ABCA1: variants seen among roughly 807,000 people sequenced by gnomAD.
ABCA1 encodes ATP binding cassette subfamily A member 1, also known as phospholipid-transporting ATPase ABCA1.
Under a neutral mutation model 262.5 loss-of-function variants are expected in ABCA1, and 133 were observed. That is an observed-to-expected ratio of 0.51 (90% CI 0.44 to 0.59). The LOEUF (loss-of-function observed/expected upper bound fraction) is 0.59. Ranked by LOEUF, ABCA1 falls within the 20% of genes least tolerant of loss-of-function variation. The pLI, the probability that ABCA1 is intolerant of heterozygous loss-of-function variation, is 0.00. For synonymous variants in ABCA1, 1,022 were observed against 1,043.5 expected (o/e 0.98, Z 0.40); for missense variants, 2,452 against 2,777.5 (o/e 0.88, Z 2.63).
rs1359246496 is a variant in ABCA1, at chr9:104,817,329, T to C, written c.3535+3A>G. The C allele has an allele frequency of 1.2e-6, 2 of 1,614,102 alleles. No homozygotes were observed. The highest frequency in any genetic ancestry group is 1.7e-6 in the Non-Finnish European group (2 of 1,180,008). On this transcript the variant is annotated splice_donor_region_variant and intron_variant, in intron 24 of 49. Transcript: ENST00000374736. The surrounding 1 kb of genome is among the most constrained non-coding windows in gnomAD (Gnocchi z 4.7). ...CCTGAATAAGAAACCCCAGAGTCCT[T>C]ACCGATGGTCAGCGTGTCACTCTCA... is the stretch of plus-strand genomic sequence containing the variant.
intron 6 of ABCA1, among the ~76,000 whole-genome samples, chr9:104,860,477 G>A (rs1475212332): frequency 6.6e-6 from 1 of 152,128 alleles, no homozygotes; most frequent in African/African-American, 2.4e-5. Context: ...ATCATGTGAA[G>A]CAAAAAGCTT....
chr9:104,810,262 C>T (rs1222587901), intron 29 of ABCA1, among the ~76,000 whole-genome samples: 2 of 151,074 alleles, frequency 1.3e-5, no homozygotes, highest in Non-Finnish European at 2.9e-5. Flanking sequence ...AAAGCTCCTG[C>T]TAACAAGACC....
chr9:104,834,278 T>C lies in ABCA1; in HGVS notation c.1312-1507A>G, dbSNP rs146800039. ...CTTCTTTAAAATTATTTCAGTAGGC[T>C]ACATCCCTGGGGGTGGGTGGAATGG... On this transcript the variant is annotated intron_variant, in intron 11 of 49. Transcript: ENST00000374736. Among the ~76,000 whole-genome samples the C allele has an allele frequency of 4.1e-4, 61 of 149,910 alleles. 5 individuals are homozygous for C. The highest frequency in any genetic ancestry group is 1.4e-3 in the African/African-American group (57 of 41,068).
chr9:104,827,287 G>C, intron 15 of ABCA1, 118 bp from the exon 16 acceptor site: 2 of 850,700 alleles, frequency 2.4e-6, no homozygotes, highest in Admixed American at 4.0e-5. Context: ...ATGCAGAGGC[G>C]TAATGCTGTT....
At chr9:104,905,240 G>A (rs73506122) in intron 1 of ABCA1, among the ~76,000 whole-genome samples, 1 of 152,284 alleles carries the variant, frequency 6.6e-6, no homozygotes, top group African/African-American at 2.4e-5. Context: ...GCAGTAGCGA[G>A]GTATGGATAC....
intron 27 of ABCA1, among the ~76,000 whole-genome samples, chr9:104,813,474 C>G (rs1157477956): frequency 6.6e-6 from 1 of 152,126 alleles, no homozygotes; most frequent in African/African-American, 2.4e-5. Context: ...AGTGCAATGG[C>G]GCAACCGTGG....
At chr9:104,913,973 G>A (rs1156883011) in intron 1 of ABCA1, among the ~76,000 whole-genome samples, 1 of 151,512 alleles carries the variant, frequency 6.6e-6, no homozygotes, top group Admixed American at 6.6e-5. Context: ...CTAATTTTTT[G>A]TATTTTTAGT....
At chr9:104,804,755 T>TA (rs1303786753) in intron 31 of ABCA1, 35 bp from the exon 32 acceptor site, 1 of 1,547,574 alleles carries the variant, frequency 6.5e-7, no homozygotes, top group South Asian at 1.1e-5. Flanking sequence ...TACGGGTCTT[T>TA]ATAGACAAGA....
At chr9:104,913,965 A>G (rs1450755227) in intron 1 of ABCA1, among the ~76,000 whole-genome samples, 1 of 147,950 alleles carries the variant, frequency 6.8e-6, no homozygotes, top group Non-Finnish European at 1.5e-5. Context: ...ACGCCCGGCT[A>G]ATTTTTTGTA....
intron 3 of ABCA1, among the ~76,000 whole-genome samples, chr9:104,886,417 G>A (rs1463327854): frequency 6.6e-6 from 1 of 152,178 alleles, no homozygotes; most frequent in East Asian, 1.9e-4. Context: ...GCCACCCTCT[G>A]CAGGGACTCT....
rs1446891426 is a variant in ABCA1, at chr9:104,899,316, A to G, written c.66+4298T>C. ...GAAAGGATGCAGAGAGTTTCCATCTACTCTGTAAAATTCTCTAAAAGCTCA... is the reference window on the plus strand; with the variant it reads ...GAAAGGATGCAGAGAGTTTCCATCTGCTCTGTAAAATTCTCTAAAAGCTCA... On this transcript the variant is annotated intron_variant, in intron 2 of 49. Coordinates refer to ENST00000374736, the MANE Select transcript of ABCA1 (RefSeq NM_005502.4). Among the ~76,000 whole-genome samples, 3 of 152,094 alleles carry G rather than the reference A, an allele frequency of 2.0e-5. No individual in the cohort carries two copies. In the East Asian group the frequency reaches 5.8e-4, roughly 29 times the overall value.
At chr9:104,854,297 C>G (rs924198603) in intron 7 of ABCA1, among the ~76,000 whole-genome samples, 8 of 152,104 alleles carry the variant, frequency 5.3e-5, no homozygotes, top group African/African-American at 1.9e-4. Flanking sequence ...CAGAGCCCCC[C>G]CAAAAAAACA....
chr9:104,784,447 C>G lies in ABCA1; in HGVS notation c.6654G>C (p.Val2218=), dbSNP rs374793716. Residue 2218 remains valine (V), a synonymous_variant, in exon 50 of 50, where the codon GTG becomes GTC. Transcript: ENST00000374736. ...CATCACTTTGGTCCTTGGCAAAGTTCACAAATACCTGTTAAAAGATTAAGA... is the reference window on the plus strand; with the variant it reads ...CATCACTTTGGTCCTTGGCAAAGTTGACAAATACCTGTTAAAAGATTAAGA... ...VSQTTLDQVF[V]NFAKDQSDDD... is the part of the protein sequence containing the mutation. The G allele has an allele frequency of 5.0e-6, 8 of 1,613,912 alleles. No individual in the cohort carries two copies. In the African/African-American group the frequency reaches 1.1e-4, roughly 22 times the overall value.
Position 104,796,053 on chromosome 9 carries a change from A to C in ABCA1, c.5382T>G (p.Asn1794Lys). Residue 1794 changes from asparagine to lysine, a missense_variant and splice_region_variant, in exon 39 of 50, where the codon AAT (asparagine) becomes AAG (lysine). Physicochemically the swap from Asn to Lys is moderately conservative, Grantham distance 94. This residue lies in a region of ABCA1 where 752 missense variants were observed against 944.5 expected (regional missense o/e 0.80). Transcript: ENST00000374736. ...ATFVLELFTD[N>K]KLNNINDILK... ...GGAGTGTTCTCTCTGCATGACTCAC[A>C]TTGTCGGTGAACAGCTCCAGCACAA... is the stretch of plus-strand genomic sequence containing the variant. 2.5e-6 allele frequency: 4 copies of C among 1,612,516 alleles called. No homozygotes were observed. The highest frequency in any genetic ancestry group is 3.4e-6 in the Non-Finnish European group (4 of 1,179,966).
chr9:104,832,840 C>T, intron 11 of ABCA1, 69 bp from the exon 12 acceptor site: 1 of 1,449,302 alleles, frequency 6.9e-7, no homozygotes, highest in Non-Finnish European at 9.7e-7. Context: ...ACAAAATTTA[C>T]AAAATACTTG....
intron 29 of ABCA1, among the ~76,000 whole-genome samples, chr9:104,810,074 A>G (rs1009859293): frequency 6.6e-6 from 1 of 151,308 alleles, no homozygotes; most frequent in African/African-American, 2.4e-5. Flanking sequence ...AAAGGAAAAA[A>G]TAAAGTAAAC....
chr9:104,804,485 G>A, intron 32 of ABCA1, 141 bp downstream of exon 32: 1 of 747,860 alleles, frequency 1.3e-6, no homozygotes, highest in Non-Finnish European at 2.4e-6. Context: ...TTTCTAGTTT[G>A]GGATAATATC....
rs765097052 is a variant in ABCA1 at position 104,819,739 on chromosome 9, G to A, written c.3104-16C>T. The A allele has an allele frequency of 8.7e-6, 14 of 1,614,142 alleles. No homozygotes were observed. The highest frequency in any genetic ancestry group is 1.2e-5 in the Non-Finnish European group (14 of 1,180,046). On this transcript the variant is annotated splice_polypyrimidine_tract_variant and intron_variant, in intron 21 of 49. Transcript: ENST00000374736. ...TGCATTCCACCTACAAAAAAACAGA[G>A]CAAGACAAACTCCAGGACCAGCCCC...
At chr9:104,800,071 T>TAA (rs1015197454) in intron 35 of ABCA1, 83 bp from the exon 36 acceptor site, 29 of 1,488,048 alleles carry the variant, frequency 1.9e-5, no homozygotes, top group African/African-American at 1.2e-4. Context: ...ACCATGCCCA[T>TAA]AAACCTCAGA....
Sources: allele counts gnomAD v4.1 joint callset (sites outside exome capture counted in the v4.1 genomes callset), GRCh38; gene constraint gnomAD v4.1.1; regional missense constraint gnomAD v4.1.1; non-coding constraint Gnocchi (gnomAD v3.1); transcripts MANE v1.5; gene names NCBI Gene and HGNC (gene_info 2026-07-23, HGNC 2026-07-21).